WDFY4: variants seen among roughly 807,000 people sequenced by gnomAD.
The protein encoded by WDFY4 is WD repeat- and FYVE domain-containing protein 4.
In WDFY4, 169 loss-of-function variants were observed where a neutral mutation model predicts 351.9. The observed-to-expected ratio is 0.48, with a 90% confidence interval of 0.42 to 0.55. The LOEUF is 0.55. Among genes scored for constraint, WDFY4 ranks in the 20% least tolerant of loss-of-function variants. WDFY4 has a pLI of 0.00. For missense variants in WDFY4, 3,803 were observed against 3,935.6 expected (o/e 0.97, Z 0.90); for synonymous variants, 1,622 against 1,574.6 (o/e 1.03, Z -0.71).
intron 4 of WDFY4, 134 bp downstream of exon 4, chr10:48,721,501 C>A: frequency 1.3e-6 from 1 of 789,510 alleles, no homozygotes; most frequent in Non-Finnish European, 2.1e-6. Flanking sequence ...CTCCTCCCTC[C>A]TCCCCTTCTG....
chr10:48,818,311 T>C (rs762674661), intron 32 of WDFY4, among the ~76,000 whole-genome samples: 4 of 151,878 alleles, frequency 2.6e-5, no homozygotes, highest in Non-Finnish European at 5.9e-5. Flanking sequence ...AGGCCTGGAG[T>C]GGTTGCTCCA....
At chr10:48,734,185 A>G (rs887023631) in intron 10 of WDFY4, 150 bp downstream of exon 10, 1 of 667,730 alleles carries the variant, frequency 1.5e-6, no homozygotes, top group Non-Finnish European at 2.6e-6. Context: ...GCCGATGTTC[A>G]GTGATCATCA....
chr10:48,953,333 T>TCTCTCTCTCTCACACA (rs771339557), intron 51 of WDFY4, among the ~76,000 whole-genome samples: 1,499 of 128,116 alleles, frequency 0.012, 13 homozygotes, highest in Non-Finnish European at 0.013. Context: ...TCTCTCTCTC[T>TCTCTCTCTCTCACACA]CACACACACA....
At chr10:48,944,119 A>G (rs1840925785) in intron 49 of WDFY4, among the ~76,000 whole-genome samples, 1 of 152,162 alleles carries the variant, frequency 6.6e-6, no homozygotes, top group South Asian at 2.1e-4. Flanking sequence ...TGGGCCATGG[A>G]ATTTGTTCCT....
At position 48,806,092 on chromosome 10, in the gene WDFY4, C is replaced by A; in HGVS notation, c.4735C>A (p.Pro1579Thr). 2 of 1,551,652 alleles carry A rather than the reference C, an allele frequency of 1.3e-6. No individual in the cohort carries two copies. Among genetic ancestry groups the A allele is most frequent in the Non-Finnish European group, 1.7e-6 (2 of 1,146,974 alleles). Residue 1579 changes from proline (P) to threonine (T), a missense_variant, in exon 27 of 62, where the codon CCT (proline) becomes ACT (threonine). Pro to Thr is a conservative substitution (Grantham distance 38). Around this residue, in one of 3 missense-constraint regions of WDFY4, gnomAD observed 3,054 missense variants for 3,148.6 expected, o/e 0.97. Transcript: ENST00000325239. ...GGACGGAGCCCTGGACCCTTCCCTGCCTGGTGAGAAGACCTTTGCCAGTTC... is the reference window on the plus strand; with the variant it reads ...GGACGGAGCCCTGGACCCTTCCCTGACTGGTGAGAAGACCTTTGCCAGTTC... ...CMDGALDPSL[P>T]AGSQTSGKTI...
chr10:48,911,366 C>T (rs1837988204), intron 47 of WDFY4, among the ~76,000 whole-genome samples: 1 of 152,134 alleles, frequency 6.6e-6, no homozygotes, highest in African/African-American at 2.4e-5. Context: ...TACTTGATGG[C>T]ATGTATCAAC....
At chr10:48,772,128 G>C (rs1278431311) in intron 13 of WDFY4, among the ~76,000 whole-genome samples, 1 of 152,140 alleles carries the variant, frequency 6.6e-6, no homozygotes, top group African/African-American at 2.4e-5. Flanking sequence ...CTGAGACAGG[G>C]GTCCAGGTAT....
At chr10:48,703,326 A>C (rs567010203) in intron 1 of WDFY4, among the ~76,000 whole-genome samples, 134 of 152,330 alleles carry the variant, frequency 8.8e-4, no homozygotes, top group African/African-American at 3.1e-3. Context: ...ATGCATGCGA[A>C]GCCACTATTC....
At chr10:48,735,247 A>G (rs1052938636) in intron 10 of WDFY4, among the ~76,000 whole-genome samples, 29 of 152,190 alleles carry the variant, frequency 1.9e-4, no homozygotes, top group Admixed American at 4.6e-4. Context: ...TCCAATATCA[A>G]TCCTGGGGAA....
At position 48,787,903 on chromosome 10, in the gene WDFY4, C is replaced by T. The variant is rs1031065166; in HGVS notation, c.3809-627C>T. The stretch of plus-strand genomic sequence containing the variant: ...CTTTCTTCTTCTTCTCCTTCTTCTT[C>T]TTCTTCTTCTTCTTCTTCTTCTTCT... On this transcript the variant is annotated intron_variant, in intron 20 of 61. Coordinates refer to ENST00000325239, the MANE Select transcript of WDFY4 (RefSeq NM_001394531.1). Among the ~76,000 whole-genome samples the T allele has an allele frequency of 6.5e-4, 19 of 29,180 alleles. 3 individuals carry two copies. The highest frequency in any genetic ancestry group is 3.1e-3 in the African/African-American group (16 of 5,090). 19.1% of individuals were successfully genotyped at this position (29,180 alleles called of 152,430 possible).
chr10:48,975,841 G>C (rs1057276761), intron 58 of WDFY4, among the ~76,000 whole-genome samples: 3 of 152,158 alleles, frequency 2.0e-5, no homozygotes, highest in African/African-American at 7.2e-5. Flanking sequence ...TAAATGAGCA[G>C]ATAAATGGAT....
chr10:48,965,958 T>C (rs1590009269), intron 54 of WDFY4, among the ~76,000 whole-genome samples: 1 of 152,022 alleles, frequency 6.6e-6, no homozygotes, highest in Admixed American at 6.6e-5. Flanking sequence ...CTTGGCTTGG[T>C]TTTGCAGAAA....
intron 39 of WDFY4, among the ~76,000 whole-genome samples, chr10:48,848,215 T>C (rs2068842062): frequency 6.6e-6 from 1 of 152,178 alleles, no homozygotes; most frequent in Non-Finnish European, 1.5e-5. Context: ...GCCAGCATTT[T>C]CTGGGCTCAC....
chr10:48,981,529 C>A (rs527768603), intron 61 of WDFY4, 51 bp downstream of exon 61: 126 of 1,527,824 alleles, frequency 8.2e-5, no homozygotes, highest in Non-Finnish European at 1.0e-4. Context: ...ACTGCAGCCA[C>A]CTTTAGGAAA....
chr10:48,932,028 T>G (rs1840043844), intron 47 of WDFY4, among the ~76,000 whole-genome samples: 1 of 152,120 alleles, frequency 6.6e-6, no homozygotes, highest in Non-Finnish European at 1.5e-5. Context: ...GTGAGGCAAA[T>G]AGAAGTGAGC....
rs2064253767 is a variant in WDFY4, at chr10:48,725,945, A to C, written c.656A>C (p.Gln219Pro). The part of the protein sequence containing the change: ...LEGLLSGSEL[Q>P]SLLIATTCLR... ...GGACTCCTCTCAGGAAGTGAGCTGC[A>C]GTCTCTGCTGATTGCCACGACCTGC... Residue 219 changes from glutamine to proline, a missense_variant, in exon 6 of 62, where the codon CAG (glutamine) becomes CCG (proline). Transcript: ENST00000325239. 3.9e-6 allele frequency: 6 copies of C among 1,551,716 alleles called. No individual in the cohort carries two copies. The East Asian group carries it at 1.2e-4, about 32-fold the overall frequency.
rs527940298 is a variant in WDFY4 at position 48,892,429 on chromosome 10, AGT to A, written c.7316+1704_7316+1705del. Among the ~76,000 whole-genome samples, 43 of 152,350 alleles carry A rather than the reference AGT, an allele frequency of 2.8e-4. No homozygotes were observed. The East Asian group carries it at 8.1e-3, about 29-fold the overall frequency. ...TTCTCTAGAATGCAAGCAGGAGTAG[AGT>A]GAGAACAAATTACTACCCTGGAATT... On this transcript the variant is annotated intron_variant, in intron 44 of 61. Transcript: ENST00000325239.
chr10:48,836,334 T>A (rs531987385), intron 39 of WDFY4, among the ~76,000 whole-genome samples: 3 of 152,246 alleles, frequency 2.0e-5, no homozygotes, highest in African/African-American at 7.2e-5. Context: ...ACATCATTAG[T>A]CCCTCCAGTG....
intron 39 of WDFY4, among the ~76,000 whole-genome samples, chr10:48,848,509 G>A (rs1426764502): frequency 6.6e-6 from 1 of 152,226 alleles, no homozygotes; most frequent in East Asian, 1.9e-4. Context: ...CTCCTCGTAG[G>A]TGGCGTCAGC....
Sources: gnomAD v4.1 joint callset for allele counts (sites outside exome capture counted in the v4.1 genomes callset) on GRCh38, gnomAD v4.1.1 for gene constraint, gnomAD v4.1.1 regional missense constraint, MANE v1.5 for transcripts, NCBI Gene and HGNC (gene_info 2026-07-23, HGNC 2026-07-21) for gene names.